Variants in SGCD observed in about 807,000 individuals in gnomAD.
SGCD encodes the protein sarcoglycan delta, also known as delta-sarcoglycan.
Under a neutral mutation model 36.6 loss-of-function variants are expected in SGCD, and 18 were observed. That is an observed-to-expected ratio of 0.49 (90% confidence interval 0.34 to 0.73). The LOEUF (loss-of-function observed/expected upper bound fraction) is 0.73, where lower values mean the gene tolerates loss of function less well. Among genes scored for constraint, SGCD ranks in the 30% least tolerant of loss-of-function variants. The probability of loss-of-function intolerance (pLI) is 0.01; values close to 1 mark genes in which losing one functional copy is unlikely to be tolerated. For missense variants in SGCD, 387 were observed against 346.7 expected, an observed-to-expected ratio of 1.12 and a Z score of -0.92; for synonymous variants, 133 against 130.6, an observed-to-expected ratio of 1.02 and a Z score of -0.12.
At chr5:155,818,808 G>A in the SGCD span, among the ~76,000 whole-genome samples, 31 of 152,254 alleles carry the variant, frequency 2.0e-4, no homozygotes, top group South Asian at 3.5e-3. Context: ...AGTGTGAGCC[G>A]CCATGCTTGG....
intron 3 of SGCD, among the ~76,000 whole-genome samples, chr5:156,295,648 A>G (rs1766873812): frequency 6.6e-6 from 1 of 152,238 alleles, no homozygotes; most frequent in African/African-American, 2.4e-5. Flanking sequence ...GTGGATGATT[A>G]CAATGTGCTT....
At chr5:156,383,682 A>G (rs1771120293) in intron 3 of SGCD, among the ~76,000 whole-genome samples, 1 of 152,160 alleles carries the variant, frequency 6.6e-6, no homozygotes, top group Admixed American at 6.5e-5. Flanking sequence ...AAGTCTATCC[A>G]GTGCCCATAA....
At chr5:156,393,631 T>C (rs1207103104) in intron 3 of SGCD, 5 of 426,940 alleles carry the variant, frequency 1.2e-5, no homozygotes, top group Non-Finnish European at 2.4e-5. Flanking sequence ...AAATTGGCCA[T>C]AGTGAGAGTA....
intron 7 of SGCD, among the ~76,000 whole-genome samples, chr5:156,656,404 G>C (rs1363469399): frequency 6.6e-6 from 1 of 152,200 alleles, no homozygotes; most frequent in East Asian, 1.9e-4. Flanking sequence ...TTTAGGTAAA[G>C]TTGCCCAAAG....
intron 3 of SGCD, among the ~76,000 whole-genome samples, chr5:156,426,055 T>C (rs548338451): frequency 3.5e-4 from 54 of 152,244 alleles, no homozygotes; most frequent in Middle Eastern, 6.8e-3. Context: ...TAATGACTTA[T>C]TTTCCTTTGG....
At chr5:156,640,430 CTGT>C (rs1309811909) in intron 6 of SGCD, among the ~76,000 whole-genome samples, 1 of 151,930 alleles carries the variant, frequency 6.6e-6, no homozygotes, top group East Asian at 1.9e-4. Context: ...TTTACAATAT[CTGT>C]TATTTTTAAA....
intron 1 of SGCD, among the ~76,000 whole-genome samples, chr5:155,979,606 G>T (rs1480636230): frequency 2.0e-5 from 3 of 152,210 alleles, no homozygotes; most frequent in Non-Finnish European, 4.4e-5. Context: ...GATGAAGCTG[G>T]GCTGGCTCTC....
intron 3 of SGCD, among the ~76,000 whole-genome samples, chr5:156,361,873 A>G (rs1037471207): frequency 6.6e-6 from 1 of 152,258 alleles, no homozygotes; most frequent in African/African-American, 2.4e-5. Flanking sequence ...TGAAGTCTAC[A>G]GAGAGAGATG....
intron 1 of SGCD, among the ~76,000 whole-genome samples, chr5:156,013,922 G>A (rs1187084212): frequency 6.6e-6 from 1 of 150,790 alleles, no homozygotes; most frequent in Non-Finnish European, 1.5e-5. Flanking sequence ...GTCTTTGTGT[G>A]TACGTGTGTT....
At chr5:156,412,825 G>A in intron 3 of SGCD, among the ~76,000 whole-genome samples, 1 of 127,108 alleles carries the variant, frequency 7.9e-6, no homozygotes, top group East Asian at 2.3e-4. Flanking sequence ...GTCTCGCTCT[G>A]TCGCCCAGGC....
chr5:155,939,657 A>AAAT (rs1561656724), intron 1 of SGCD, among the ~76,000 whole-genome samples: 1 of 150,086 alleles, frequency 6.7e-6, no homozygotes, highest in Non-Finnish European at 1.5e-5. Context: ...AAAAAAAAAA[A>AAAT]AATAATAATA....
At chr5:156,535,340 A>T (rs1758060934) in intron 4 of SGCD, among the ~76,000 whole-genome samples, 1 of 152,236 alleles carries the variant, frequency 6.6e-6, no homozygotes, top group African/African-American at 2.4e-5. Context: ...ATATTCCATG[A>T]AATTAAAAAG....
chr5:156,302,943 A>T (rs566913240), intron 3 of SGCD, among the ~76,000 whole-genome samples: 1 of 152,182 alleles, frequency 6.6e-6, no homozygotes, highest in Admixed American at 6.5e-5. Context: ...ACTAGGTCTT[A>T]CCCAAAGCCT....
At chr5:156,032,933 C>T (rs1488691148) in intron 1 of SGCD, among the ~76,000 whole-genome samples, 1 of 151,346 alleles carries the variant, frequency 6.6e-6, no homozygotes, top group African/African-American at 2.4e-5. Context: ...AAACATTAGC[C>T]AGGTATAGTG....
At chr5:156,264,814 A>G (rs1765959665) in intron 3 of SGCD, among the ~76,000 whole-genome samples, 2 of 152,160 alleles carry the variant, frequency 1.3e-5, no homozygotes, top group South Asian at 4.1e-4. Context: ...AATTTTGTTC[A>G]CTGCTTTTTT....
At chr5:156,267,792 A>G (rs985027469) in intron 3 of SGCD, among the ~76,000 whole-genome samples, 6 of 152,238 alleles carry the variant, frequency 3.9e-5, no homozygotes, top group Non-Finnish European at 1.5e-5. Flanking sequence ...CAATTTGACC[A>G]AGGCAAATTT....
intron 2 of SGCD, among the ~76,000 whole-genome samples, chr5:156,340,585 T>G (rs1474999639): frequency 5.9e-5 from 9 of 152,220 alleles, no homozygotes; most frequent in Non-Finnish European, 1.3e-4. Flanking sequence ...CCTCCAGAGC[T>G]AACACGAGGG....
chr5:156,711,285 G>A (rs1754982667), intron 7 of SGCD, among the ~76,000 whole-genome samples: 1 of 152,182 alleles, frequency 6.6e-6, no homozygotes, highest in Non-Finnish European at 1.5e-5. Context: ...TAGAGGCAGA[G>A]TTCTAGAATT....
intron 1 of SGCD, among the ~76,000 whole-genome samples, chr5:155,881,894 A>G (rs1755896045): frequency 1.3e-5 from 2 of 152,288 alleles, no homozygotes; most frequent in South Asian, 2.1e-4. Flanking sequence ...CTGCTCATTC[A>G]TTGAAGTTTT....
Sources: allele counts gnomAD v4.1 joint callset (sites outside exome capture counted in the v4.1 genomes callset), GRCh38; gene constraint gnomAD v4.1.1; transcripts MANE v1.5; gene names NCBI Gene and HGNC (gene_info 2026-07-23, HGNC 2026-07-21).